The following MAF variants were observed in gnomAD, a reference collection of about 807,000 sequenced individuals.
MAF encodes the protein MAF bZIP transcription factor, also known as transcription factor Maf.
MAF carries 10 observed loss-of-function variants against 22.0 expected under a neutral mutation model. That is an observed-to-expected ratio of 0.45 (90% CI 0.28 to 0.77). MAF has a LOEUF of 0.77. Among genes scored for constraint, MAF ranks in the 30% least tolerant of loss-of-function variants. The pLI is 0.12. For synonymous variants in MAF, 337 were observed against 255.8 expected (o/e 1.32, Z -3.03); for missense variants, 544 against 548.4 (o/e 0.99, Z 0.08).
chr16:79,491,462 G>T, the MAF span, among the ~76,000 whole-genome samples: 1 of 152,190 alleles, frequency 6.6e-6, no homozygotes, highest in East Asian at 1.9e-4. Context: ...AGCCAGCTTC[G>T]CAGTCTCGAG....
the MAF span, among the ~76,000 whole-genome samples, chr16:79,564,385 T>C: frequency 0.096 from 14,604 of 152,228 alleles, 770 homozygotes; most frequent in Middle Eastern, 0.16. Flanking sequence ...GGAATCAGTT[T>C]ATAGCCGAAT....
chr16:79,317,029 G>T, the MAF span, among the ~76,000 whole-genome samples: 1 of 152,180 alleles, frequency 6.6e-6, no homozygotes, highest in Non-Finnish European at 1.5e-5. Flanking sequence ...ACAAGTAAGA[G>T]ATGGAGCCAA....
chr16:79,352,533 G>A, the MAF span, among the ~76,000 whole-genome samples: 1 of 152,168 alleles, frequency 6.6e-6, no homozygotes, highest in Non-Finnish European at 1.5e-5. Context: ...GGAGCACTGG[G>A]TGCTAGAAAT....
intron 1 of MAF, 96 bp downstream of exon 1, chr16:79,598,689 G>A (rs1168004011): frequency 3.8e-6 from 6 of 1,571,586 alleles, no homozygotes; most frequent in Admixed American, 1.8e-5. Flanking sequence ...TGAGGTGGTG[G>A]CGAGCATGGC....
chr16:79,339,618 C>T, the MAF span, among the ~76,000 whole-genome samples: 6 of 152,070 alleles, frequency 3.9e-5, no homozygotes, highest in Admixed American at 1.3e-4. Flanking sequence ...CTAACTAATA[C>T]AATACATTAA....
chr16:79,225,972 A>G, the MAF span, among the ~76,000 whole-genome samples: 1 of 152,098 alleles, frequency 6.6e-6, no homozygotes, highest in Admixed American at 6.5e-5. Context: ...ACAGTGTGGC[A>G]ATTCCTCAAG....
At chr16:79,278,300 CTT>C in the MAF span, among the ~76,000 whole-genome samples, 1 of 152,212 alleles carries the variant, frequency 6.6e-6, no homozygotes, top group Non-Finnish European at 1.5e-5. Flanking sequence ...ATGTTCCTGA[CTT>C]TTCCATTACT....
the MAF span, among the ~76,000 whole-genome samples, chr16:79,487,990 C>G: frequency 6.6e-6 from 1 of 152,188 alleles, no homozygotes; most frequent in Non-Finnish European, 1.5e-5. Context: ...CCTGTCAATC[C>G]ATTTATCTGA....
the MAF span, among the ~76,000 whole-genome samples, chr16:79,468,804 G>A: frequency 7.2e-5 from 11 of 152,218 alleles, no homozygotes; most frequent in African/African-American, 2.4e-4. Context: ...GAAGCTCCAT[G>A]GAGCATTATA....
chr16:79,401,698 T>A, the MAF span, among the ~76,000 whole-genome samples: 1 of 152,082 alleles, frequency 6.6e-6, no homozygotes, highest in Non-Finnish European at 1.5e-5. Context: ...TCAATGAAAT[T>A]TTCGGGCCGT....
chr16:79,269,065 G>T, the MAF span, among the ~76,000 whole-genome samples: 1 of 152,126 alleles, frequency 6.6e-6, no homozygotes, highest in African/African-American at 2.4e-5. Context: ...AAATCTTTAT[G>T]GAAAGCAGCT....
chr16:79,433,318 AAG>A, the MAF span, among the ~76,000 whole-genome samples: 2 of 150,614 alleles, frequency 1.3e-5, no homozygotes, highest in African/African-American at 4.9e-5. Context: ...CCAGAAAAAA[AAG>A]AGAGTTAGAA....
the MAF span, among the ~76,000 whole-genome samples, chr16:79,384,088 G>T: frequency 6.6e-6 from 1 of 152,078 alleles, no homozygotes; most frequent in Non-Finnish European, 1.5e-5. Context: ...TTGTACAATC[G>T]GGATGAGGGT....
chr16:79,281,824 C>G, the MAF span, among the ~76,000 whole-genome samples: 1 of 152,194 alleles, frequency 6.6e-6, no homozygotes, highest in East Asian at 1.9e-4. Flanking sequence ...ATCGGAAAAT[C>G]CATTACAATC....
At chr16:79,353,749 C>T in the MAF span, among the ~76,000 whole-genome samples, 1 of 152,094 alleles carries the variant, frequency 6.6e-6, no homozygotes, top group African/African-American at 2.4e-5. Context: ...GCAGCCCAGA[C>T]AGGATTTAAA....
the MAF span, among the ~76,000 whole-genome samples, chr16:79,567,793 A>T: frequency 0.075 from 11,437 of 152,274 alleles, 556 homozygotes; most frequent in Non-Finnish European, 0.11. Context: ...ATGTGTGCAA[A>T]ATACCTTCTA....
the MAF span, among the ~76,000 whole-genome samples, chr16:79,575,164 T>C: frequency 6.6e-6 from 1 of 151,988 alleles, no homozygotes; most frequent in Non-Finnish European, 1.5e-5. Context: ...TATGCCCCAA[T>C]CCTACTCACT....
Position 79,598,859 on chromosome 16 carries a change from G to A in MAF, c.1044C>T (p.Tyr348=), listed in dbSNP as rs754836703. The part of the protein sequence containing the change: ...VRERDAYKEK[Y]EKLVSSGFRE... Reference sequence around the variant, plus strand: ...GGAAGCCGCTGCTCACCAACTTCTCGTATTTCTCCTTGTACGCGTCCCTCT... The same window carrying A: ...GGAAGCCGCTGCTCACCAACTTCTCATATTTCTCCTTGTACGCGTCCCTCT... Residue 348 remains tyrosine, a synonymous_variant, in exon 1 of 2, where the codon TAC becomes TAT. Coordinates refer to ENST00000326043, the MANE Select transcript of MAF (RefSeq NM_005360.5). 4 of 1,613,846 alleles carry A rather than the reference G, an allele frequency of 2.5e-6. No individual in the cohort carries two copies. Among genetic ancestry groups the A allele is most frequent in the Non-Finnish European group, 3.4e-6 (4 of 1,179,990 alleles).
chr16:79,221,715 ATGTG>A, the MAF span, among the ~76,000 whole-genome samples: 8 of 151,740 alleles, frequency 5.3e-5, no homozygotes, highest in Middle Eastern at 3.4e-3. Flanking sequence ...GTGATTGTGT[ATGTG>A]TGTGTGTGCA....
Sources: allele counts gnomAD v4.1 joint callset (sites outside exome capture counted in the v4.1 genomes callset), GRCh38; gene constraint gnomAD v4.1.1; transcripts MANE v1.5; gene names NCBI Gene and HGNC (gene_info 2026-07-23, HGNC 2026-07-21).